CABP1: variants seen among roughly 807,000 people sequenced by gnomAD.
CABP1 encodes calcium-binding protein 1.
Under a neutral mutation model 34.3 loss-of-function variants are expected in CABP1, and 17 were observed. That is an observed-to-expected ratio of 0.50 (90% CI 0.34 to 0.74). The LOEUF (loss-of-function observed/expected upper bound fraction) is 0.74, where lower values mean the gene tolerates loss of function less well. Among genes scored for constraint, CABP1 ranks in the 30% least tolerant of loss-of-function variants. The probability of loss-of-function intolerance (pLI) is 0.01; values close to 1 mark genes in which losing one functional copy is unlikely to be tolerated. For synonymous variants in CABP1, 198 were observed against 229.2 expected, an observed-to-expected ratio of 0.86 and a Z score of 1.23; for missense variants, 373 against 511.1, an observed-to-expected ratio of 0.73 and a Z score of 2.61.
At chr12:120,654,657 AGGCCGAAGGCAGAG>A (rs1880054489) in intron 1 of CABP1, among the ~76,000 whole-genome samples, 1 of 151,246 alleles carries the variant, frequency 6.6e-6, no homozygotes, top group Admixed American at 6.6e-5. Context: ...GGCAGAGTGC[AGGCCGAAGGCAGAG>A]TGCAGGCCGA....
the CABP1 span, among the ~76,000 whole-genome samples, chr12:120,673,190 T>C: frequency 6.6e-6 from 1 of 152,124 alleles, no homozygotes; most frequent in Non-Finnish European, 1.5e-5. Flanking sequence ...GTTCTATTTC[T>C]TAACAAGTAA....
chr12:120,652,331 A>G (rs1399045134), intron 1 of CABP1, among the ~76,000 whole-genome samples: 2 of 151,872 alleles, frequency 1.3e-5, no homozygotes, highest in Admixed American at 6.6e-5. Context: ...ACTGCAGTCA[A>G]TTTCGTGTTT....
At position 120,663,042 on chromosome 12, in the gene CABP1, C is replaced by G. The variant is rs11065197; in HGVS notation, c.1087+1824C>G. Among the ~76,000 whole-genome samples the G allele has an allele frequency of 0.024, 3,634 of 152,164 alleles. 210 individuals are homozygous for G. In the East Asian group the frequency reaches 0.25, roughly 11 times the overall value. The stretch of plus-strand genomic sequence containing the variant: ...AGCCCAAGGGACATTCTTCATGACT[C>G]GACAGTGGGACTCCTTCTTCTAGCA... On this transcript the variant is annotated intron_variant, in intron 5 of 5. Coordinates refer to ENST00000316803, the MANE Select transcript of CABP1 (RefSeq NM_001033677.2).
chr12:120,664,793 T>C (rs1309442322), intron 5 of CABP1, among the ~76,000 whole-genome samples: 1 of 151,828 alleles, frequency 6.6e-6, no homozygotes, highest in African/African-American at 2.4e-5. Context: ...CAGAATCGCT[T>C]GAACCCGGGA....
chr12:120,677,511 C>T, the CABP1 span, among the ~76,000 whole-genome samples: 5 of 151,658 alleles, frequency 3.3e-5, no homozygotes, highest in African/African-American at 1.2e-4. Context: ...ATCCTCCCAC[C>T]TCAGCCTCCC....
At chr12:120,673,499 G>A in the CABP1 span, among the ~76,000 whole-genome samples, 1 of 151,900 alleles carries the variant, frequency 6.6e-6, no homozygotes, top group Admixed American at 6.6e-5. Flanking sequence ...CAGGAGAATC[G>A]CTTGAACCCG....
At chr12:120,680,821 G>T in the CABP1 span, among the ~76,000 whole-genome samples, 1 of 151,924 alleles carries the variant, frequency 6.6e-6, no homozygotes, top group Non-Finnish European at 1.5e-5. Context: ...CCCTATCAAG[G>T]CTCATGCCTG....
chr12:120,675,879 C>T, the CABP1 span, among the ~76,000 whole-genome samples: 1 of 152,086 alleles, frequency 6.6e-6, no homozygotes, highest in Non-Finnish European at 1.5e-5. Flanking sequence ...AGTTCGAGAC[C>T]AGCCTGGCCA....
the CABP1 span, among the ~76,000 whole-genome samples, chr12:120,678,258 C>T: frequency 6.6e-5 from 10 of 152,188 alleles, no homozygotes; most frequent in Non-Finnish European, 1.2e-4. Flanking sequence ...ATTAATAGTA[C>T]GCTTTGTTCT....
At chr12:120,673,030 A>C in the CABP1 span, among the ~76,000 whole-genome samples, 1 of 152,086 alleles carries the variant, frequency 6.6e-6, no homozygotes, top group African/African-American at 2.4e-5. Flanking sequence ...ATTCCATTGC[A>C]AAAAAGAAAA....
the CABP1 span, among the ~76,000 whole-genome samples, chr12:120,679,959 G>A: frequency 3.3e-5 from 5 of 152,292 alleles, no homozygotes; most frequent in Middle Eastern, 3.4e-3. Context: ...ATCACTTGAG[G>A]TCTGGAGTTT....
intron 1 of CABP1, chr12:120,655,883 G>C (rs1383598731): frequency 3.9e-6 from 6 of 1,536,158 alleles, no homozygotes; most frequent in Admixed American, 2.0e-5. Context: ...ATCACATTCA[G>C]CTCTCCCCGG....
intron 5 of CABP1, among the ~76,000 whole-genome samples, chr12:120,665,891 G>A (rs865879345): frequency 6.6e-5 from 10 of 151,642 alleles, no homozygotes; most frequent in Non-Finnish European, 1.3e-4. Flanking sequence ...GTCGTGGCGG[G>A]CTCCTGGTCC....
chr12:120,672,155 G>A (rs909906384), downstream of CABP1, among the ~76,000 whole-genome samples: 2 of 152,136 alleles, frequency 1.3e-5, no homozygotes, highest in South Asian at 2.1e-4. Flanking sequence ...GTTGCTGAAG[G>A]GATCAAATCT....
At chr12:120,656,075 G>T in intron 1 of CABP1, 1 of 1,614,096 alleles carries the variant, frequency 6.2e-7, no homozygotes, top group Non-Finnish European at 8.5e-7. Context: ...TTTTGCATTT[G>T]CTTGGTGCTG....
intron 1 of CABP1, chr12:120,655,473 C>T: frequency 9.8e-7 from 1 of 1,021,530 alleles, no homozygotes; most frequent in Non-Finnish European, 1.2e-6. Context: ...GCCCCAGTCC[C>T]CACCTCTCAC....
At chr12:120,668,562 C>T (rs933115723), downstream of CABP1, among the ~76,000 whole-genome samples, 2 of 152,174 alleles carry the variant, frequency 1.3e-5, no homozygotes, top group African/African-American at 4.8e-5. Context: ...TAGGGCCAGT[C>T]GCGTCCCCTT....
chr12:120,667,284 C>G lies in CABP1; in HGVS notation c.*384C>G. Reference sequence around the variant, plus strand: ...CTGCGCCCGTCCCAGCTCGCCTCAGCCCTGTTATCTCAGAACCAATAAAAA... The same window carrying G: ...CTGCGCCCGTCCCAGCTCGCCTCAGGCCTGTTATCTCAGAACCAATAAAAA... On this transcript the variant is annotated 3_prime_UTR_variant, in exon 6 of 6. Transcript: ENST00000316803. 2.9e-6 allele frequency: 1 copy of G among 342,222 alleles called. No homozygotes were observed. 21.2% of individuals were successfully genotyped at this position (342,222 alleles called of 1,614,324 possible). A position where few individuals can be genotyped will look rare whatever the true frequency, so the allele number is the denominator to read the frequency against.
intron 1 of CABP1, among the ~76,000 whole-genome samples, chr12:120,653,510 A>C (rs750232640): frequency 1.3e-5 from 2 of 152,012 alleles, no homozygotes; most frequent in Non-Finnish European, 2.9e-5. Flanking sequence ...TGCCTTTTAA[A>C]GTTTTGTTTT....
Sources: allele counts gnomAD v4.1 joint callset (sites outside exome capture counted in the v4.1 genomes callset), GRCh38; gene constraint gnomAD v4.1.1; transcripts MANE v1.5; gene names NCBI Gene and HGNC (gene_info 2026-07-23, HGNC 2026-07-21).